CAPZB: variants seen among roughly 807,000 people sequenced by gnomAD.
The protein encoded by CAPZB is capping actin protein of muscle Z-line subunit beta.
CAPZB carries 2 observed loss-of-function variants against 38.1 expected under a neutral mutation model. The observed-to-expected ratio is 0.05, with a 90% CI of 0.02 to 0.17. CAPZB has a LOEUF of 0.17. CAPZB is among the 10% of genes least tolerant of loss of function. The probability of loss-of-function intolerance (pLI) is 1.00; values close to 1 mark genes in which losing one functional copy is unlikely to be tolerated. For missense variants in CAPZB, 161 were observed against 334.2 expected (o/e 0.48, Z 4.04); for synonymous variants, 107 against 127.4 (o/e 0.84, Z 1.08).
chr1:19,461,705 CATAA>C (rs1254899508), intron 1 of CAPZB, among the ~76,000 whole-genome samples: 2 of 152,190 alleles, frequency 1.3e-5, no homozygotes, highest in East Asian at 1.9e-4. Context: ...GAAGCCACTG[CATAA>C]ATACTTAACT....
intron 1 of CAPZB, among the ~76,000 whole-genome samples, chr1:19,458,076 A>G (rs1016193010): frequency 7.1e-6 from 1 of 141,738 alleles, no homozygotes; most frequent in Non-Finnish European, 1.5e-5. Flanking sequence ...AACCTCATGT[A>G]TATAAGAAAT....
intron 1 of CAPZB, among the ~76,000 whole-genome samples, chr1:19,483,884 C>T (rs1296183157): frequency 6.6e-6 from 1 of 152,218 alleles, no homozygotes; most frequent in Non-Finnish European, 1.5e-5. Flanking sequence ...AACTACTCAC[C>T]CTCGTTCAGC....
intron 4 of CAPZB, among the ~76,000 whole-genome samples, chr1:19,366,097 T>C (rs1347889497): frequency 1.3e-5 from 2 of 151,792 alleles, no homozygotes; most frequent in Non-Finnish European, 1.5e-5. Flanking sequence ...GTCACATGTA[T>C]GGTGTGTTCT....
intron 2 of CAPZB, among the ~76,000 whole-genome samples, chr1:19,419,322 T>C (rs1308863485): frequency 1.3e-5 from 2 of 152,202 alleles, no homozygotes; most frequent in Non-Finnish European, 2.9e-5. Flanking sequence ...CTGGCCTGCG[T>C]GCACTGCTGA....
chr1:19,345,277 G>A, intron 6 of CAPZB, 25 bp from the exon 7 acceptor site: 12 of 1,595,256 alleles, frequency 7.5e-6, no homozygotes, highest in Non-Finnish European at 1.0e-5. Context: ...AACATTCCAA[G>A]TCAGAGAAAG....
intron 1 of CAPZB, among the ~76,000 whole-genome samples, chr1:19,468,440 T>G (rs536131438): frequency 2.8e-4 from 43 of 152,052 alleles, no homozygotes; most frequent in Middle Eastern, 3.4e-3. Flanking sequence ...TTTCACTAGC[T>G]CGGGGTCCCC....
intron 1 of CAPZB, among the ~76,000 whole-genome samples, chr1:19,453,218 GC>G (rs1418149761): frequency 6.6e-6 from 1 of 152,050 alleles, no homozygotes; most frequent in East Asian, 1.9e-4. Context: ...GTGTCACCGG[GC>G]CCCTGTGCTA....
intron 4 of CAPZB, among the ~76,000 whole-genome samples, chr1:19,369,935 G>A (rs1245051277): frequency 1.3e-5 from 2 of 152,208 alleles, no homozygotes; most frequent in African/African-American, 4.8e-5. Flanking sequence ...CTCAGCCAGA[G>A]CAAAGGAAGC....
intron 1 of CAPZB, among the ~76,000 whole-genome samples, chr1:19,469,762 A>G (rs900783359): frequency 6.6e-6 from 1 of 151,320 alleles, no homozygotes; most frequent in African/African-American, 2.4e-5. Flanking sequence ...ACACACACAC[A>G]CACACACACA....
In CAPZB at chr1:19,342,925, C is replaced by T. The variant is rs75277751; in HGVS notation, c.731+1433G>A. ...GAAGAGAACGACGAGAAGCCAGGAA[C>T]GCAGGGGGCCACAGCTGAGGAGGAA... On this transcript the variant is annotated intron_variant, in intron 8 of 8. Coordinates refer to ENST00000264202, the MANE Select transcript of CAPZB (RefSeq NM_004930.5). The T allele has an allele frequency of 0.013, 12,728 of 997,746 alleles. 462 individuals carry two copies. The East Asian group carries it at 0.13, about 10-fold the overall frequency. 61.8% of individuals were successfully genotyped at this position (997,746 alleles called of 1,614,324 possible). A position where few individuals can be genotyped will look rare whatever the true frequency, so the allele number is the denominator to read the frequency against.
chr1:19,462,238 G>A (rs986579312), intron 1 of CAPZB, among the ~76,000 whole-genome samples: 2 of 151,880 alleles, frequency 1.3e-5, no homozygotes, highest in African/African-American at 4.8e-5. Flanking sequence ...GGATCACGAG[G>A]TCAGGAGATT....
intron 6 of CAPZB, among the ~76,000 whole-genome samples, chr1:19,346,808 G>A (rs896185146): frequency 1.4e-5 from 2 of 146,158 alleles, no homozygotes; most frequent in South Asian, 2.2e-4. Flanking sequence ...GCACTGACCC[G>A]ACTTTTGTCT....
At chr1:19,342,519 C>T (rs970015111) in intron 8 of CAPZB, among the ~76,000 whole-genome samples, 2 of 152,212 alleles carry the variant, frequency 1.3e-5, no homozygotes, top group African/African-American at 4.8e-5. Flanking sequence ...AAAAATCAGC[C>T]GTCTTCCCCA....
chr1:19,379,158 G>A (rs2094160403), intron 3 of CAPZB, among the ~76,000 whole-genome samples: 1 of 149,656 alleles, frequency 6.7e-6, no homozygotes, highest in African/African-American at 2.5e-5. Context: ...GAGTGCAGTG[G>A]CGTGATCTTG....
At chr1:19,426,847 G>C (rs2094424668) in intron 1 of CAPZB, among the ~76,000 whole-genome samples, 1 of 152,222 alleles carries the variant, frequency 6.6e-6, no homozygotes, top group African/African-American at 2.4e-5. Context: ...GGTTTTGTTA[G>C]ACAGCAACAG....
Position 19,382,155 on chromosome 1 carries a change from G to A in CAPZB, c.215+3350C>T, listed in dbSNP as rs372146571. 3.9e-5 allele frequency among the ~76,000 whole-genome samples: 6 copies of A among 152,284 alleles called. No individual in the cohort carries two copies. In the East Asian group the frequency reaches 9.6e-4, roughly 24 times the overall value. On this transcript the variant is annotated intron_variant, in intron 3 of 8. Transcript: ENST00000264202. ...GACACAAGAGCCCATCTTTCGGGCA[G>A]ACTGGGGGCCTGCAATTTGCAAGAA...
intron 1 of CAPZB, among the ~76,000 whole-genome samples, chr1:19,424,995 G>C (rs749048092): frequency 6.6e-6 from 1 of 152,218 alleles, no homozygotes; most frequent in Non-Finnish European, 1.5e-5. Context: ...CGTGTGGTGT[G>C]TACAATGATG....
At chr1:19,388,334 G>C (rs557884122) in intron 2 of CAPZB, among the ~76,000 whole-genome samples, 3 of 152,284 alleles carry the variant, frequency 2.0e-5, no homozygotes, top group South Asian at 4.1e-4. Context: ...GATTCTCAGT[G>C]CCTGTGGCTG....
chr1:19,416,236 T>C (rs2094378543), intron 2 of CAPZB, among the ~76,000 whole-genome samples: 1 of 152,246 alleles, frequency 6.6e-6, no homozygotes, highest in Admixed American at 6.5e-5. Context: ...AGATTACTAA[T>C]GAATTTAATT....
Sources: gnomAD v4.1 joint callset for allele counts (sites outside exome capture counted in the v4.1 genomes callset) on GRCh38, gnomAD v4.1.1 for gene constraint, MANE v1.5 for transcripts, NCBI Gene and HGNC (gene_info 2026-07-23, HGNC 2026-07-21) for gene names.